Variants in PTPRN observed in about 807,000 individuals in gnomAD.
PTPRN encodes receptor-type tyrosine-protein phosphatase-like N.
A neutral mutation model predicts 108.5 loss-of-function variants in PTPRN; 70 were observed. The observed-to-expected ratio is 0.65, with a 90% CI of 0.53 to 0.79. PTPRN has a LOEUF of 0.79. PTPRN is among the 30% of genes least tolerant of loss of function. The pLI is 0.00. For missense variants in PTPRN, 1,136 were observed against 1,295.5 expected, an observed-to-expected ratio of 0.88 and a Z score of 1.89; for synonymous variants, 496 against 524.6, an observed-to-expected ratio of 0.95 and a Z score of 0.75.
chr2:219,308,941 C>T (rs1952554150), intron 1 of PTPRN: 3 of 1,444,058 alleles, frequency 2.1e-6, no homozygotes, highest in Non-Finnish European at 1.9e-6. Context: ...TCTCTAAGTC[C>T]CTCTGCCCAC....
chr2:219,296,154 G>A lies in PTPRN; in HGVS notation c.2508+72C>T. 2 of 1,595,408 alleles carry A rather than the reference G, an allele frequency of 1.3e-6. No homozygotes were observed. The highest frequency in any genetic ancestry group is 2.2e-5 in the South Asian group (2 of 90,392). Reference sequence around the variant, plus strand: ...GACTGTTGAGTGCTCATTTGGTGAAGAAAACGTTACGAAAAGGCCATCATC... The same window carrying A: ...GACTGTTGAGTGCTCATTTGGTGAAAAAAACGTTACGAAAAGGCCATCATC... On this transcript the variant is annotated intron_variant, in intron 18 of 22. Coordinates refer to ENST00000295718, the MANE Select transcript of PTPRN (RefSeq NM_002846.4). This position sits in a 1 kb window ranked among gnomAD's most constrained non-coding sequence, Gnocchi z 6.0.
At chr2:219,294,483 A>G (rs1025135905) in intron 19 of PTPRN, among the ~76,000 whole-genome samples, 7 of 114,854 alleles carry the variant, frequency 6.1e-5, no homozygotes, top group Admixed American at 9.7e-5. Context: ...CACAGAAAAA[A>G]GAGGCGAAGA....
At position 219,297,795 on chromosome 2, in the gene PTPRN, C is replaced by T. The variant is rs1952237934; in HGVS notation, c.1887+90G>A. 2.1e-6 allele frequency: 3 copies of T among 1,412,088 alleles called. No homozygotes were observed. In the Admixed American group the frequency reaches 6.4e-5, roughly 30 times the overall value. The allele number at this position is 1,412,088 out of a possible 1,614,324, so 87.5% of individuals were successfully genotyped here. A position where few individuals can be genotyped will look rare whatever the true frequency, so the allele number is the denominator to read the frequency against. Reference sequence around the variant, plus strand: ...CTTCCCAGGGATGAGGGCTCACTCCCCATTCAGTTCCGACCCTTAGTCCAC... The same window carrying T: ...CTTCCCAGGGATGAGGGCTCACTCCTCATTCAGTTCCGACCCTTAGTCCAC... On this transcript the variant is annotated intron_variant, in intron 13 of 22. Transcript: ENST00000295718. This position sits in a 1 kb window ranked among gnomAD's most constrained non-coding sequence, Gnocchi z 6.0.
At chr2:219,306,234 C>T (rs1001734659) in intron 3 of PTPRN, among the ~76,000 whole-genome samples, 16 of 152,160 alleles carry the variant, frequency 1.1e-4, no homozygotes, top group Admixed American at 2.6e-4. Context: ...CAATATTTCA[C>T]GAAATAATGC....
chr2:219,296,812 G>A lies in PTPRN; in HGVS notation c.2247C>T (p.Ala749=). 6.2e-7 allele frequency: 1 copy of A among 1,614,034 alleles called. No individual in the cohort carries two copies. Among genetic ancestry groups the A allele is most frequent in the Non-Finnish European group, 8.5e-7 (1 of 1,179,998 alleles). Residue 749 remains alanine (A), a synonymous_variant, in exon 16 of 23, where the codon GCC becomes GCT. Transcript: ENST00000295718. The surrounding 1 kb of genome is among the most constrained non-coding windows in gnomAD (Gnocchi z 6.0). The part of the protein sequence containing the change: ...RHPDFLPYDH[A]RIKLKVESSP... ...TGCTCTCCACCTTCAGTTTTATGCG[G>A]GCATGGTCATCTGCACAGACCCGAC...
Position 219,299,355 on chromosome 2 carries a change from A to C in PTPRN, c.1553T>G (p.Ile518Ser), listed in dbSNP as rs1952282685. 6.2e-7 allele frequency: 1 copy of C among 1,614,048 alleles called. No individual in the cohort carries two copies. The highest frequency in any genetic ancestry group is 1.3e-5 in the African/African-American group (1 of 74,916). Residue 518 changes from isoleucine to serine, a missense_variant, in exon 11 of 23, where the codon ATC becomes AGC. Transcript: ENST00000295718. ...AGACAGGTTCTGCTCATTGTGCCGG[A>C]TGCGGAAGGTGAGGGCTGGTCCCAC... is the stretch of plus-strand genomic sequence containing the variant. ...SVVGPALTFR[I>S]RHNEQNLSLA...
intron 18 of PTPRN, chr2:219,295,468 T>C: frequency 4.3e-6 from 1 of 229,892 alleles, no homozygotes; most frequent in Non-Finnish European, 8.4e-6. Flanking sequence ...TCTTACTGGA[T>C]TTTTTTCGTT....
intron 8 of PTPRN, among the ~76,000 whole-genome samples, chr2:219,300,702 A>G (rs533883913): frequency 6.6e-4 from 101 of 152,326 alleles, no homozygotes; most frequent in Admixed American, 2.9e-3. Context: ...TCCTCAGAGC[A>G]TGGTCTGAAA....
chr2:219,291,401 G>C (rs1952050912), intron 20 of PTPRN, 69 bp downstream of exon 20: 1 of 1,529,324 alleles, frequency 6.5e-7, no homozygotes, highest in Non-Finnish European at 9.1e-7. Flanking sequence ...CAAGGGGACA[G>C]GCAGGCAATG....
intron 3 of PTPRN, among the ~76,000 whole-genome samples, chr2:219,305,623 C>T (rs574589541): frequency 2.0e-5 from 3 of 152,142 alleles, no homozygotes; most frequent in Non-Finnish European, 2.9e-5. Flanking sequence ...ATCTCATCCA[C>T]CTCATGGGTG....
chr2:219,302,084 T>A, intron 6 of PTPRN, 53 bp downstream of exon 6: 1 of 1,460,910 alleles, frequency 6.8e-7, no homozygotes, highest in Non-Finnish European at 9.2e-7. Context: ...GGCCCCACCA[T>A]GGTTCCCCCA....
intron 10 of PTPRN, 76 bp downstream of exon 10, chr2:219,299,624 A>C (rs1237701425): frequency 7.2e-7 from 1 of 1,396,120 alleles, no homozygotes; most frequent in Non-Finnish European, 9.9e-7. Context: ...TTCCTCCCGC[A>C]GGCCCCTCCA....
chr2:219,290,543 A>G lies in PTPRN; in HGVS notation c.2863T>C (p.Ser955Pro). The change falls in exon 22 of 23, where the codon TCT becomes CCT. Residue 955 changes from serine to proline, a missense_variant. By Grantham distance (74) the Ser-to-Pro change is moderately conservative. Transcript: ENST00000295718. This position sits in a 1 kb window ranked among gnomAD's most constrained non-coding sequence, Gnocchi z 4.2. Reference protein sequence around the residue: ...VRDQRPGLVRSKDQFEFALTA... With the variant: ...VRDQRPGLVRPKDQFEFALTA... ...GGGCAGGAAGGCATGGTCACCTTAG[A>G]GCGGACAAGGCCAGGCCGCTGGTCA... is the stretch of plus-strand genomic sequence containing the variant. 6.4e-7 allele frequency: 1 copy of G among 1,551,600 alleles called. No individual in the cohort carries two copies. The highest frequency in any genetic ancestry group is 8.7e-7 in the Non-Finnish European group (1 of 1,146,928).
chr2:219,298,038 C>T lies in PTPRN; in HGVS notation c.1734G>A (p.Leu578=). ...AHSTSPMRSV[L]LTLVALAGVA... Reference sequence around the variant, plus strand: ...CACCTGCCAGGGCCACCAGAGTGAGCAGCACTGAGCGCATGGGTGAGGTGC... The same window carrying T: ...CACCTGCCAGGGCCACCAGAGTGAGTAGCACTGAGCGCATGGGTGAGGTGC... The change falls in exon 13 of 23, where the codon CTG becomes CTA. Residue 578 remains leucine, a synonymous_variant. Transcript: ENST00000295718. 1.2e-6 allele frequency: 2 copies of T among 1,614,076 alleles called. No homozygotes were observed. The highest frequency in any genetic ancestry group is 1.7e-6 in the Non-Finnish European group (2 of 1,180,016).
intron 12 of PTPRN, 133 bp downstream of exon 12, chr2:219,298,914 G>A: frequency 1.9e-6 from 2 of 1,054,528 alleles, no homozygotes; most frequent in Non-Finnish European, 2.9e-6. Context: ...GGCTGCTTGG[G>A]CGAAGGCCGC....
rs766318985 is a variant in PTPRN at position 219,309,353 on chromosome 2, C to T, written c.-21G>A. 9 of 1,303,826 alleles carry T rather than the reference C, an allele frequency of 6.9e-6. No individual in the cohort carries two copies. In the South Asian group the frequency reaches 1.2e-4, roughly 17 times the overall value. 80.8% of individuals were successfully genotyped at this position (1,303,826 alleles called of 1,614,324 possible). On this transcript the variant is annotated 5_prime_UTR_variant, in exon 1 of 23. Coordinates refer to ENST00000295718, the MANE Select transcript of PTPRN (RefSeq NM_002846.4). ...CGCATCTTTCCGAGCTCCGGGCGCTCGCTCCCGGGCCGGAGCCGCAGCGAC... is the reference window on the plus strand; with the variant it reads ...CGCATCTTTCCGAGCTCCGGGCGCTTGCTCCCGGGCCGGAGCCGCAGCGAC...
At chr2:219,291,408 A>G in intron 20 of PTPRN, 62 bp downstream of exon 20, 2 of 1,536,228 alleles carry the variant, frequency 1.3e-6, no homozygotes, top group East Asian at 4.5e-5. Flanking sequence ...ACAGGCAGGC[A>G]ATGTGCACAG....
rs370983776 is a variant in PTPRN, at chr2:219,290,190, C to T, written c.*36G>A. The T allele has an allele frequency of 6.3e-7, 1 of 1,575,810 alleles. No individual in the cohort carries two copies. Among genetic ancestry groups the T allele is most frequent in the South Asian group, 1.1e-5 (1 of 90,248 alleles). The stretch of plus-strand genomic sequence containing the variant: ...AGATGCTCACACAGGCAAAGAGGGA[C>T]AGAGGCTGGGCTGCCCGCCAAGGGG... On this transcript the variant is annotated 3_prime_UTR_variant, in exon 23 of 23. Coordinates refer to ENST00000295718, the MANE Select transcript of PTPRN (RefSeq NM_002846.4). The surrounding 1 kb of genome is among the most constrained non-coding windows in gnomAD (Gnocchi z 4.2).
At chr2:219,307,999 C>G in intron 1 of PTPRN, 157 bp from the exon 2 acceptor site, 1 of 680,870 alleles carries the variant, frequency 1.5e-6, no homozygotes, top group South Asian at 1.9e-5. Context: ...GCCTGAATTT[C>G]TTAAAAGGAA....
Sources: gnomAD v4.1 joint callset for allele counts (sites outside exome capture counted in the v4.1 genomes callset) on GRCh38, gnomAD v4.1.1 for gene constraint, Gnocchi (gnomAD v3.1) non-coding constraint, MANE v1.5 for transcripts, NCBI Gene and HGNC (gene_info 2026-07-23, HGNC 2026-07-21) for gene names.